The following EYA2 variants were observed in gnomAD, a reference collection of about 807,000 sequenced individuals.
EYA2 encodes the protein protein phosphatase EYA2.
Under a neutral mutation model 69.2 loss-of-function variants are expected in EYA2, and 31 were observed. The observed-to-expected ratio is 0.45, with a 90% CI of 0.34 to 0.60. The LOEUF (loss-of-function observed/expected upper bound fraction) is 0.60, where lower values mean the gene tolerates loss of function less well. EYA2 is among the 20% of genes least tolerant of loss of function. The probability of loss-of-function intolerance (pLI) is 0.02; values close to 1 mark genes in which losing one functional copy is unlikely to be tolerated. For synonymous variants in EYA2, 257 were observed against 279.4 expected, an observed-to-expected ratio of 0.92 and a Z score of 0.80; for missense variants, 622 against 701.2, an observed-to-expected ratio of 0.89 and a Z score of 1.28.
chr20:47,014,202 T>C (rs369958046), intron 4 of EYA2, among the ~76,000 whole-genome samples: 18 of 152,286 alleles, frequency 1.2e-4, no homozygotes, highest in African/African-American at 3.9e-4. Flanking sequence ...GGAGAAACTT[T>C]CCAGGTCACC....
chr20:47,010,789 ATT>A (rs10608509), intron 4 of EYA2, among the ~76,000 whole-genome samples: 63,927 of 138,164 alleles, frequency 0.46, 16,020 homozygotes, highest in Non-Finnish European at 0.6. Flanking sequence ...AATTGAGTTG[ATT>A]TTTTTTTTTT....
intron 5 of EYA2, among the ~76,000 whole-genome samples, chr20:47,065,538 G>A (rs1213604430): frequency 1.3e-5 from 2 of 151,880 alleles, no homozygotes; most frequent in Non-Finnish European, 2.9e-5. Flanking sequence ...GCGAAGGGTG[G>A]CAATAATGAA....
intron 7 of EYA2, among the ~76,000 whole-genome samples, chr20:47,083,526 C>G (rs2031791723): frequency 7.5e-6 from 1 of 134,076 alleles, no homozygotes. Flanking sequence ...TGCAGTGAGC[C>G]AAGATCATGC....
At chr20:47,151,799 A>G (rs888008760) in intron 10 of EYA2, among the ~76,000 whole-genome samples, 1 of 151,944 alleles carries the variant, frequency 6.6e-6, no homozygotes, top group Non-Finnish European at 1.5e-5. Flanking sequence ...TGTGTTCCCC[A>G]CCAGCTGTGT....
At chr20:47,122,291 T>G (rs1028060038) in intron 9 of EYA2, among the ~76,000 whole-genome samples, 151 of 133,322 alleles carry the variant, frequency 1.1e-3, no homozygotes, top group African/African-American at 4.6e-3. Context: ...TTTTCTTGGT[T>G]TTTTTTTTTT....
At chr20:47,091,839 G>T (rs2032096905) in intron 8 of EYA2, among the ~76,000 whole-genome samples, 2 of 152,194 alleles carry the variant, frequency 1.3e-5, no homozygotes, top group Admixed American at 1.3e-4. Flanking sequence ...TAGAAAGAAA[G>T]TAACAAAGAC....
chr20:47,086,096 G>T (rs2031885595), intron 7 of EYA2, among the ~76,000 whole-genome samples: 1 of 152,212 alleles, frequency 6.6e-6, no homozygotes, highest in African/African-American at 2.4e-5. Context: ...GTGCTATCCT[G>T]TGGATCTCTG....
chr20:47,156,049 CACATATATATACAT>C (rs1445997021), intron 10 of EYA2, among the ~76,000 whole-genome samples: 3 of 89,518 alleles, frequency 3.4e-5, no homozygotes, highest in African/African-American at 1.2e-4. Context: ...CACACACACA[CACATATATATACAT>C]ACACACACAC....
chr20:47,139,289 C>G (rs1027218433), intron 9 of EYA2, among the ~76,000 whole-genome samples: 1 of 152,068 alleles, frequency 6.6e-6, no homozygotes, highest in Non-Finnish European at 1.5e-5. Flanking sequence ...GAAATATATG[C>G]CTATAGTTTA....
chr20:47,164,432 G>A lies in EYA2; in HGVS notation c.979-4707G>A, dbSNP rs932974672. ...GAACCCTGCCCAGAGGCCTGAGCCC[G>A]GGTGACCCCAGGAGTGGCTCCAGAG... is the stretch of plus-strand genomic sequence containing the variant. On this transcript the variant is annotated intron_variant, in intron 10 of 15. Transcript: ENST00000327619. Among the ~76,000 whole-genome samples, 75 of 152,310 alleles carry A rather than the reference G, an allele frequency of 4.9e-4. 1 individual carries two copies. The highest frequency in any genetic ancestry group is 1.7e-3 in the African/African-American group (72 of 41,574).
chr20:46,967,569 A>T (rs1213269402), intron 1 of EYA2, among the ~76,000 whole-genome samples: 1 of 152,060 alleles, frequency 6.6e-6, no homozygotes, highest in African/African-American at 2.4e-5. Flanking sequence ...GGTGAAGGGG[A>T]AGGATGAGCA....
At chr20:47,015,689 G>A (rs1983366830) in intron 4 of EYA2, among the ~76,000 whole-genome samples, 2 of 152,150 alleles carry the variant, frequency 1.3e-5, no homozygotes, top group African/African-American at 4.8e-5. Context: ...TACAAAATAT[G>A]AGACCTTCTT....
intron 6 of EYA2, among the ~76,000 whole-genome samples, chr20:47,072,723 A>G (rs1192495043): frequency 6.6e-6 from 1 of 152,152 alleles, no homozygotes; most frequent in African/African-American, 2.4e-5. Context: ...TAGTACTTTG[A>G]TTCTCTTGGT....
intron 4 of EYA2, among the ~76,000 whole-genome samples, chr20:47,007,782 AT>A (rs1293656915): frequency 6.6e-6 from 1 of 150,838 alleles, no homozygotes; most frequent in Non-Finnish European, 1.5e-5. Flanking sequence ...CCCCTGGCTA[AT>A]TTTTTTTTAT....
chr20:46,940,068 A>G (rs755820493), intron 1 of EYA2, among the ~76,000 whole-genome samples: 3 of 152,216 alleles, frequency 2.0e-5, no homozygotes, highest in Non-Finnish European at 4.4e-5. Flanking sequence ...TACACAAGAA[A>G]TATAATAGGC....
intron 9 of EYA2, among the ~76,000 whole-genome samples, chr20:47,113,391 G>A (rs568850121): frequency 1.3e-5 from 2 of 152,206 alleles, no homozygotes; most frequent in Non-Finnish European, 2.9e-5. Context: ...CTGATCGGCT[G>A]TGCCTGGGAC....
chr20:47,175,931 A>G (rs539511280), intron 12 of EYA2, among the ~76,000 whole-genome samples: 5 of 152,322 alleles, frequency 3.3e-5, no homozygotes, highest in African/African-American at 1.2e-4. Flanking sequence ...TCATTCATTC[A>G]TTCATTCTTC....
chr20:47,141,989 T>C (rs556098681), intron 9 of EYA2, among the ~76,000 whole-genome samples: 8 of 152,260 alleles, frequency 5.3e-5, no homozygotes, highest in Admixed American at 2.0e-4. Flanking sequence ...ATCACACATA[T>C]GCAAACGTTC....
intron 9 of EYA2, among the ~76,000 whole-genome samples, chr20:47,133,764 T>G (rs980056364): frequency 5.3e-5 from 8 of 152,220 alleles, no homozygotes; most frequent in African/African-American, 1.9e-4. Flanking sequence ...AGCAACAATG[T>G]GTGCGAACAC....
Sources: allele counts gnomAD v4.1 joint callset (sites outside exome capture counted in the v4.1 genomes callset), GRCh38; gene constraint gnomAD v4.1.1; transcripts MANE v1.5; gene names NCBI Gene and HGNC (gene_info 2026-07-23, HGNC 2026-07-21).